Variants in LINGO2 observed in about 807,000 individuals in gnomAD.
The protein encoded by LINGO2 is leucine-rich repeat and immunoglobulin-like domain-containing nogo receptor-interacting protein 2.
In LINGO2, 14 loss-of-function variants were observed where a neutral mutation model predicts 30.6. That is an observed-to-expected ratio of 0.46 (90% confidence interval 0.30 to 0.72). The LOEUF (loss-of-function observed/expected upper bound fraction) is 0.72, where lower values mean the gene tolerates loss of function less well. LINGO2 is among the 30% of genes least tolerant of loss of function. LINGO2 has a pLI of 0.07. For missense variants in LINGO2, 729 were observed against 751.7 expected (o/e 0.97, Z 0.35); for synonymous variants, 317 against 288.5 (o/e 1.10, Z -1.00).
chr9:27,977,351 CTAAT>C (rs967688519), intron 5 of LINGO2, among the ~76,000 whole-genome samples: 2 of 151,510 alleles, frequency 1.3e-5, no homozygotes, highest in African/African-American at 4.8e-5. Flanking sequence ...TTTTGGATGA[CTAAT>C]TAATTACTTC....
At chr9:28,046,921 A>T (rs1340808400) in intron 4 of LINGO2, among the ~76,000 whole-genome samples, 1 of 152,100 alleles carries the variant, frequency 6.6e-6, no homozygotes, top group Non-Finnish European at 1.5e-5. Context: ...TGTTGTGGAA[A>T]CGCGTTCTGG....
chr9:29,082,488 AC>A, the LINGO2 span, among the ~76,000 whole-genome samples: 1 of 152,148 alleles, frequency 6.6e-6, no homozygotes, highest in South Asian at 2.1e-4. Context: ...CAAGAAGAAA[AC>A]CTAGGCAATA....
At chr9:28,568,377 T>C (rs941208446) in intron 1 of LINGO2, among the ~76,000 whole-genome samples, 7 of 152,040 alleles carry the variant, frequency 4.6e-5, no homozygotes, top group Non-Finnish European at 7.4e-5. Context: ...TATTTGGTAC[T>C]AGGCTTAGTA....
the LINGO2 span, chr9:27,941,472 T>C: frequency 6.6e-6 from 1 of 152,174 alleles, no homozygotes; most frequent in African/African-American, 2.4e-5. Flanking sequence ...AAGGGACCTT[T>C]TCTGGTTTCT....
Position 28,148,472 on chromosome 9 carries a change from A to G in LINGO2, c.-86-136067T>C, listed in dbSNP as rs1827882274. 1 of 1,425,322 alleles carries G rather than the reference A, an allele frequency of 7.0e-7. No individual in the cohort carries two copies. Among genetic ancestry groups the G allele is most frequent in the South Asian group, 1.2e-5 (1 of 81,614 alleles). 88.3% of individuals were successfully genotyped at this position (1,425,322 alleles called of 1,614,324 possible). ...AGAGCCCAGAGAAGCAACGGAGGTG[A>G]CAGACCAGGTAGAGACCCAGGGGCA... On this transcript the variant is annotated intron_variant, in intron 4 of 5. Coordinates refer to ENST00000379992, the Ensembl canonical transcript of LINGO2. The surrounding 1 kb of genome is among the most constrained non-coding windows in gnomAD (Gnocchi z 5.1).
At chr9:28,187,548 C>T (rs1224260960) in intron 4 of LINGO2, among the ~76,000 whole-genome samples, 10 of 150,688 alleles carry the variant, frequency 6.6e-5, no homozygotes. Flanking sequence ...TTGGGCTTCA[C>T]TACTGGATGG....
chr9:28,854,552 G>C, the LINGO2 span, among the ~76,000 whole-genome samples: 2 of 151,860 alleles, frequency 1.3e-5, no homozygotes, highest in African/African-American at 4.8e-5. Flanking sequence ...TTTTATGAGC[G>C]TTAATGGAAA....
chr9:29,110,629 C>T, the LINGO2 span, among the ~76,000 whole-genome samples: 4 of 151,958 alleles, frequency 2.6e-5, no homozygotes, highest in East Asian at 7.8e-4. Flanking sequence ...CCACCGCGCC[C>T]GGCCACAGCT....
chr9:28,756,230 G>A, the LINGO2 span, among the ~76,000 whole-genome samples: 3 of 152,152 alleles, frequency 2.0e-5, no homozygotes, highest in Non-Finnish European at 4.4e-5. Flanking sequence ...TTTTGGAGCT[G>A]TAAGATTTAA....
chr9:28,388,422 C>T (rs1039840775), intron 2 of LINGO2, among the ~76,000 whole-genome samples: 4 of 152,174 alleles, frequency 2.6e-5, no homozygotes, highest in African/African-American at 9.7e-5. Flanking sequence ...ACATAAGTGT[C>T]CCTTAGGTTT....
chr9:29,033,099 C>A, the LINGO2 span, among the ~76,000 whole-genome samples: 894 of 152,204 alleles, frequency 5.9e-3, 8 homozygotes, highest in African/African-American at 0.021. Flanking sequence ...CTTGCCTTGT[C>A]ATTAAATTGG....
At chr9:29,204,542 A>G in the LINGO2 span, among the ~76,000 whole-genome samples, 2 of 152,198 alleles carry the variant, frequency 1.3e-5, no homozygotes, top group South Asian at 2.1e-4. Context: ...TAATCAGTCA[A>G]TTCACTATAG....
intron 2 of LINGO2, among the ~76,000 whole-genome samples, chr9:28,445,937 C>T (rs1017104147): frequency 2.6e-5 from 4 of 152,128 alleles, no homozygotes; most frequent in African/African-American, 9.7e-5. Context: ...AGAGATTCTA[C>T]CTGACCTCAC....
At chr9:29,106,381 C>T in the LINGO2 span, among the ~76,000 whole-genome samples, 1 of 152,090 alleles carries the variant, frequency 6.6e-6, no homozygotes, top group Non-Finnish European at 1.5e-5. Flanking sequence ...CTCCATTTTT[C>T]AGATGAGAAA....
At chr9:28,890,195 T>TTTTTG in the LINGO2 span, among the ~76,000 whole-genome samples, 2,720 of 151,080 alleles carry the variant, frequency 0.018, 73 homozygotes, top group African/African-American at 0.062. Flanking sequence ...TTTTCTTGGT[T>TTTTTG]TTTTGTTTTG....
chr9:28,885,807 A>G, the LINGO2 span, among the ~76,000 whole-genome samples: 10 of 152,104 alleles, frequency 6.6e-5, no homozygotes, highest in African/African-American at 7.2e-5. Flanking sequence ...TAGGTCAGGG[A>G]TCTGAGGTTG....
chr9:27,992,927 A>G (rs1173224128), intron 5 of LINGO2, among the ~76,000 whole-genome samples: 2 of 152,136 alleles, frequency 1.3e-5, no homozygotes, highest in African/African-American at 2.4e-5. Flanking sequence ...GACCAATCCC[A>G]ATACCACTGA....
intron 1 of LINGO2, among the ~76,000 whole-genome samples, chr9:28,497,622 G>A (rs1819692722): frequency 6.6e-6 from 1 of 152,052 alleles, no homozygotes; most frequent in Admixed American, 6.6e-5. Context: ...CTTTAGCTTG[G>A]AGAAGTTTGA....
At chr9:29,125,065 G>C in the LINGO2 span, among the ~76,000 whole-genome samples, 1 of 152,120 alleles carries the variant, frequency 6.6e-6, no homozygotes, top group Admixed American at 6.5e-5. Context: ...ATACACCCTG[G>C]AATGCTATGC....
Sources: allele counts gnomAD v4.1 joint callset (sites outside exome capture counted in the v4.1 genomes callset), GRCh38; gene constraint gnomAD v4.1.1; non-coding constraint Gnocchi (gnomAD v3.1); transcripts MANE v1.5; gene names NCBI Gene and HGNC (gene_info 2026-07-23, HGNC 2026-07-21).